Variants in MRPS27 observed in about 807,000 individuals in gnomAD.
MRPS27 encodes the protein mitochondrial ribosomal protein S27.
A neutral mutation model predicts 48.9 loss-of-function variants in MRPS27; 43 were observed. The observed-to-expected ratio is 0.88, with a 90% CI of 0.69 to 1.13. The LOEUF (loss-of-function observed/expected upper bound fraction) is 1.13, where lower values mean the gene tolerates loss of function less well. Among genes scored for constraint, MRPS27 ranks in the 50% most tolerant of loss-of-function variants. The pLI is 0.00. For missense variants in MRPS27, 467 were observed against 476.3 expected (o/e 0.98, Z 0.18); for synonymous variants, 188 against 171.9 (o/e 1.09, Z -0.73).
At chr5:72,314,230 T>C in intron 1 of MRPS27, 72 bp from the exon 2 acceptor site, 1 of 1,037,600 alleles carries the variant, frequency 9.6e-7, no homozygotes, top group Admixed American at 1.9e-5. Flanking sequence ...TTATTAAATA[T>C]ATCTTCACTA....
chr5:72,308,152 T>C (rs571578274), intron 2 of MRPS27, among the ~76,000 whole-genome samples: 11 of 152,156 alleles, frequency 7.2e-5, no homozygotes, highest in African/African-American at 2.6e-4. Context: ...GCCCCGGCGC[T>C]GGGAAACTGC....
intron 4 of MRPS27, among the ~76,000 whole-genome samples, chr5:72,260,524 C>T (rs531799627): frequency 6.6e-6 from 1 of 152,282 alleles, no homozygotes; most frequent in South Asian, 2.1e-4. Context: ...CAAAGCTACA[C>T]TTAAAACATG....
intron 2 of MRPS27, among the ~76,000 whole-genome samples, chr5:72,312,075 T>C (rs1479459278): frequency 6.6e-6 from 1 of 152,182 alleles, no homozygotes; most frequent in Non-Finnish European, 1.5e-5. Flanking sequence ...GAGGTTGCAG[T>C]GAGCCGAGAT....
intron 9 of MRPS27, among the ~76,000 whole-genome samples, chr5:72,225,697 A>G (rs576134606): frequency 6.6e-6 from 1 of 152,148 alleles, no homozygotes; most frequent in Non-Finnish European, 1.5e-5. Flanking sequence ...GATGCTATGT[A>G]GCCTCTCAGG....
chr5:72,313,422 A>G (rs1416858876), intron 2 of MRPS27, among the ~76,000 whole-genome samples: 1 of 152,202 alleles, frequency 6.6e-6, no homozygotes, highest in African/African-American at 2.4e-5. Context: ...TAATGTTCCG[A>G]TGATGTTATA....
At chr5:72,235,067 G>C (rs1327245777) in intron 5 of MRPS27, among the ~76,000 whole-genome samples, 1 of 152,012 alleles carries the variant, frequency 6.6e-6, no homozygotes, top group African/African-American at 2.4e-5. Flanking sequence ...ACCCCCAACT[G>C]AATCACCACT....
chr5:72,249,983 CAAAAACAAAAAACAA>C (rs1020648934), intron 4 of MRPS27, among the ~76,000 whole-genome samples: 7 of 151,664 alleles, frequency 4.6e-5, no homozygotes, highest in Admixed American at 3.3e-4. Flanking sequence ...GACTCCATCT[CAAAAACAAAAAACAA>C]AAAAACAAAA....
chr5:72,226,878 T>C lies in MRPS27; in HGVS notation c.695-679A>G, dbSNP rs1393469764. Among the ~76,000 whole-genome samples, 4 of 152,278 alleles carry C rather than the reference T, an allele frequency of 2.6e-5. No homozygotes were observed. In the East Asian group the frequency reaches 7.7e-4, roughly 29 times the overall value. ...ACAGCAGGGTCTTCTGGTAGGGAGA[T>C]GGCTGTCTGTATTCCTGTGGCACAG... On this transcript the variant is annotated intron_variant, in intron 8 of 10. Transcript: ENST00000261413.
chr5:72,298,898 A>T (rs139253353), intron 2 of MRPS27, among the ~76,000 whole-genome samples: 64 of 152,216 alleles, frequency 4.2e-4, no homozygotes, highest in African/African-American at 1.5e-3. Context: ...TGGATACAGA[A>T]AATATGGTAC....
Position 72,232,505 on chromosome 5 carries a change from A to T in MRPS27, c.529T>A (p.Ser177Thr), listed in dbSNP as rs1189772136. The stretch of plus-strand genomic sequence containing the variant: ...ACATAGAGGGAGAGAAGTTGGGTGG[A>T]AGGCACTTCAAAGGCTTCTTGCATC... ...VMMQEAFEVPSTQLLSLYVLF... is the reference protein window; with the variant it reads ...VMMQEAFEVPTTQLLSLYVLF... Residue 177 changes from serine (S) to threonine (T), a missense_variant, in exon 7 of 11, where the codon TCC becomes ACC. Coordinates refer to ENST00000261413, the MANE Select transcript of MRPS27 (RefSeq NM_015084.3). 6.2e-7 allele frequency: 1 copy of T among 1,612,898 alleles called. No individual in the cohort carries two copies.
chr5:72,261,645 TACTTATC>T (rs1282773900), intron 4 of MRPS27, among the ~76,000 whole-genome samples: 1 of 152,226 alleles, frequency 6.6e-6, no homozygotes, highest in Non-Finnish European at 1.5e-5. Flanking sequence ...CAATGGCTGA[TACTTATC>T]AGAGTATTTA....
intron 4 of MRPS27, among the ~76,000 whole-genome samples, chr5:72,250,949 G>A (rs1037084988): frequency 3.3e-5 from 5 of 152,196 alleles, no homozygotes; most frequent in South Asian, 2.1e-4. Context: ...GATTCTAACC[G>A]GTAAAAGTTA....
At chr5:72,245,977 C>T (rs1169720381) in intron 4 of MRPS27, among the ~76,000 whole-genome samples, 1 of 152,192 alleles carries the variant, frequency 6.6e-6, no homozygotes, top group Non-Finnish European at 1.5e-5. Flanking sequence ...GTTGGACATA[C>T]TTCCAGTGAT....
At chr5:72,255,296 C>T (rs547113951) in intron 4 of MRPS27, among the ~76,000 whole-genome samples, 1 of 152,166 alleles carries the variant, frequency 6.6e-6, no homozygotes, top group Admixed American at 6.5e-5. Flanking sequence ...GGTAATCCAC[C>T]CGCCTTGGAC....
chr5:72,295,322 T>A, intron 4 of MRPS27: 1 of 468,348 alleles, frequency 2.1e-6, no homozygotes, highest in Non-Finnish European at 3.8e-6. Context: ...TAGAGGTCCA[T>A]AAAAAGGGAA....
chr5:72,231,072 T>C (rs1748053917), intron 7 of MRPS27, among the ~76,000 whole-genome samples: 1 of 152,108 alleles, frequency 6.6e-6, no homozygotes, highest in Non-Finnish European at 1.5e-5. Flanking sequence ...ACAGATTTGA[T>C]TATTATATGC....
intron 5 of MRPS27, among the ~76,000 whole-genome samples, chr5:72,236,937 T>C (rs1422083803): frequency 6.9e-6 from 1 of 144,216 alleles, no homozygotes; most frequent in Non-Finnish European, 1.6e-5. Flanking sequence ...TTTTTTTTTT[T>C]GAGACCAGGT....
intron 3 of MRPS27, among the ~76,000 whole-genome samples, chr5:72,296,933 G>A (rs1749997039): frequency 6.6e-6 from 1 of 152,126 alleles, no homozygotes; most frequent in Non-Finnish European, 1.5e-5. Flanking sequence ...ATTGCCCAAT[G>A]TCATGAAGTG....
chr5:72,229,457 G>A (rs1580054082), intron 7 of MRPS27: 1 of 151,956 alleles, frequency 6.6e-6, no homozygotes, highest in Non-Finnish European at 1.5e-5. Flanking sequence ...GTAAATAAAA[G>A]AGCTGGTAAT....
Sources: allele counts gnomAD v4.1 joint callset (sites outside exome capture counted in the v4.1 genomes callset), GRCh38; gene constraint gnomAD v4.1.1; transcripts MANE v1.5; gene names NCBI Gene and HGNC (gene_info 2026-07-23, HGNC 2026-07-21).